Variants in SLIT3 observed in about 807,000 individuals in gnomAD.
SLIT3 encodes the protein slit homolog 3 protein.
Under a neutral mutation model 184.0 loss-of-function variants are expected in SLIT3, and 68 were observed. The observed-to-expected ratio is 0.37, with a 90% CI of 0.30 to 0.45. The LOEUF is 0.45. SLIT3 is among the 20% of genes least tolerant of loss of function. The pLI is 1.00. For synonymous variants in SLIT3, 831 were observed against 828.6 expected, an observed-to-expected ratio of 1.00 and a Z score of -0.05; for missense variants, 1,707 against 2,026.0, an observed-to-expected ratio of 0.84 and a Z score of 3.02.
intron 9 of SLIT3, among the ~76,000 whole-genome samples, chr5:168,799,101 A>G (rs11949966): frequency 0.14 from 20,587 of 152,106 alleles, 2,031 homozygotes; most frequent in African/African-American, 0.28. Context: ...CATGCAAGCA[A>G]GGTTGGAAAG....
intron 4 of SLIT3, among the ~76,000 whole-genome samples, chr5:169,086,780 T>G (rs1332698982): frequency 6.6e-6 from 1 of 152,220 alleles, no homozygotes; most frequent in Non-Finnish European, 1.5e-5. Context: ...AAATCTATCC[T>G]AAGCAGAAAT....
At chr5:169,155,454 A>G (rs892698603) in intron 4 of SLIT3, among the ~76,000 whole-genome samples, 1 of 152,250 alleles carries the variant, frequency 6.6e-6, no homozygotes, top group Non-Finnish European at 1.5e-5. Flanking sequence ...TGCTAAAGGT[A>G]TAAACCTTTT....
intron 4 of SLIT3, among the ~76,000 whole-genome samples, chr5:168,996,535 A>G (rs1162776854): frequency 6.6e-6 from 1 of 152,246 alleles, no homozygotes; most frequent in African/African-American, 2.4e-5. Flanking sequence ...GTTTGCATAT[A>G]TCTGGGGCTT....
rs376655806 is a variant in SLIT3, at chr5:168,714,811, G to T, written c.2484-2457C>A. Among the ~76,000 whole-genome samples, 4 of 152,078 alleles carry T rather than the reference G, an allele frequency of 2.6e-5. No individual in the cohort carries two copies. In the South Asian group the frequency reaches 6.3e-4, roughly 24 times the overall value. On this transcript the variant is annotated intron_variant, in intron 23 of 35. Transcript: ENST00000519560. ...TGCCTCCCAGCGGCTGGGCTGGCAAGCAACTGTCAACTCTCAGTGGCTCAT... is the reference window on the plus strand; with the variant it reads ...TGCCTCCCAGCGGCTGGGCTGGCAATCAACTGTCAACTCTCAGTGGCTCAT...
At chr5:169,127,778 G>C (rs1437550071) in intron 4 of SLIT3, among the ~76,000 whole-genome samples, 1 of 152,186 alleles carries the variant, frequency 6.6e-6, no homozygotes, top group Non-Finnish European at 1.5e-5. Context: ...CTTAAGTTCA[G>C]AGAGCAAACA....
intron 1 of SLIT3, among the ~76,000 whole-genome samples, chr5:169,280,287 G>A (rs958235852): frequency 6.6e-6 from 1 of 152,240 alleles, no homozygotes; most frequent in Non-Finnish European, 1.5e-5. Context: ...TGGTCCCACT[G>A]AGTGCAGTAT....
At chr5:168,926,116 G>A (rs1732715100) in intron 4 of SLIT3, among the ~76,000 whole-genome samples, 1 of 152,038 alleles carries the variant, frequency 6.6e-6, no homozygotes, top group Non-Finnish European at 1.5e-5. Context: ...AGAGCAGGAT[G>A]GATGTGTCTA....
chr5:169,282,573 G>A (rs962794536), intron 1 of SLIT3, among the ~76,000 whole-genome samples: 2 of 152,100 alleles, frequency 1.3e-5, no homozygotes, highest in Non-Finnish European at 2.9e-5. Context: ...TCACATTTTT[G>A]TATATTCTAT....
chr5:168,685,690 C>A lies in SLIT3; in HGVS notation c.3552G>T (p.Leu1184=). The A allele has an allele frequency of 6.4e-7, 1 of 1,556,706 alleles. No homozygotes were observed. The highest frequency in any genetic ancestry group is 8.7e-7 in the Non-Finnish European group (1 of 1,146,958). ...GGCAGGGCAGGGCGGGACACACCTG[C>A]AGGGAGATGTTGGCCTGGGGTCGGA... ...AKVRPQANIS[L]QVATDKDNGI... is the part of the protein sequence containing the mutation. The change falls in exon 31 of 36, where the codon CTG becomes CTT. Residue 1184 remains leucine, a synonymous_variant. Coordinates refer to ENST00000519560, the MANE Select transcript of SLIT3 (RefSeq NM_003062.4).
At chr5:169,190,565 A>G (rs552029880) in intron 4 of SLIT3, among the ~76,000 whole-genome samples, 2 of 152,330 alleles carry the variant, frequency 1.3e-5, no homozygotes, top group Admixed American at 1.3e-4. Flanking sequence ...TACTATTCAA[A>G]GCCTGTTTTT....
chr5:169,055,412 C>A (rs934263046), intron 4 of SLIT3, among the ~76,000 whole-genome samples: 1 of 152,124 alleles, frequency 6.6e-6, no homozygotes, highest in African/African-American at 2.4e-5. Flanking sequence ...GAATGATGTG[C>A]AAAGTTGAAA....
chr5:169,169,307 G>C (rs1355357825), intron 4 of SLIT3, among the ~76,000 whole-genome samples: 2 of 152,138 alleles, frequency 1.3e-5, no homozygotes, highest in African/African-American at 4.8e-5. Flanking sequence ...TATCTAATCC[G>C]AGTGGGCATC....
intron 32 of SLIT3, among the ~76,000 whole-genome samples, chr5:168,683,324 T>C (rs1761645853): frequency 6.7e-6 from 1 of 149,124 alleles, no homozygotes. Flanking sequence ...GAGCCGAGAT[T>C]GCTCCATTGC....
At chr5:169,209,992 T>C (rs995670364) in intron 3 of SLIT3, among the ~76,000 whole-genome samples, 2 of 152,118 alleles carry the variant, frequency 1.3e-5, no homozygotes, top group African/African-American at 4.8e-5. Flanking sequence ...CTATTCTGCA[T>C]CATACTCTGA....
intron 13 of SLIT3, among the ~76,000 whole-genome samples, 185 bp downstream of exon 13, chr5:168,774,050 T>G (rs747023198): frequency 2.7e-4 from 41 of 152,190 alleles, no homozygotes; most frequent in Non-Finnish European, 3.2e-4. Context: ...CCATGTGGTG[T>G]CAAGCACAGT....
intron 3 of SLIT3, among the ~76,000 whole-genome samples, chr5:169,221,638 T>A (rs562033480): frequency 8.5e-4 from 129 of 152,298 alleles, no homozygotes; most frequent in Admixed American, 2.0e-3. Context: ...CCCCAGCTCC[T>A]CTCAGGTGAT....
intron 4 of SLIT3, among the ~76,000 whole-genome samples, chr5:169,173,892 T>C (rs1405291422): frequency 2.0e-5 from 3 of 152,162 alleles, no homozygotes; most frequent in Non-Finnish European, 4.4e-5. Context: ...TCACCAAAGG[T>C]GGACATGTGA....
chr5:169,052,177 G>A (rs1757840982), intron 4 of SLIT3, among the ~76,000 whole-genome samples: 1 of 152,020 alleles, frequency 6.6e-6, no homozygotes, highest in East Asian at 1.9e-4. Context: ...AGACAGAGAG[G>A]GCTCCTTCAC....
In SLIT3 at chr5:168,692,364, CTG is replaced by C. The variant is rs1242724861; in HGVS notation, c.3176+241_3176+242del. ...AGAAAGAGTGGATCTTTCTCTCTCT[CTG>C]TCTCTTTCTCTCTCCCTACCTACCT... On this transcript the variant is annotated intron_variant, in intron 29 of 35. Transcript: ENST00000519560. 5.3e-5 allele frequency among the ~76,000 whole-genome samples: 8 copies of C among 152,260 alleles called. No individual in the cohort carries two copies. The East Asian group carries it at 1.5e-3, about 29-fold the overall frequency.
Sources: gnomAD v4.1 joint callset for allele counts (sites outside exome capture counted in the v4.1 genomes callset) on GRCh38, gnomAD v4.1.1 for gene constraint, MANE v1.5 for transcripts, NCBI Gene and HGNC (gene_info 2026-07-23, HGNC 2026-07-21) for gene names.